SCO1: variants seen among roughly 807,000 people sequenced by gnomAD.
The protein encoded by SCO1 is synthesis of cytochrome C oxidase 1.
Under a neutral mutation model 34.0 loss-of-function variants are expected in SCO1, and 23 were observed. The observed-to-expected ratio is 0.68, with a 90% CI of 0.49 to 0.96. The LOEUF (loss-of-function observed/expected upper bound fraction) is 0.96. SCO1 is among the 40% of genes least tolerant of loss of function. SCO1 has a pLI of 0.00. For synonymous variants in SCO1, 161 were observed against 145.5 expected, an observed-to-expected ratio of 1.11 and a Z score of -0.77; for missense variants, 404 against 381.6, an observed-to-expected ratio of 1.06 and a Z score of -0.49.
At chr17:10,686,588 A>C in intron 5 of SCO1, 139 bp downstream of exon 5, 1 of 694,488 alleles carries the variant, frequency 1.4e-6, no homozygotes, top group Non-Finnish European at 2.6e-6. Flanking sequence ...TCTCAAAAAA[A>C]AAAAAAAAAA....
intron 1 of SCO1, 107 bp from the exon 2 acceptor site, chr17:10,695,938 G>T: frequency 1.2e-6 from 1 of 805,772 alleles, no homozygotes; most frequent in Non-Finnish European, 2.1e-6. Context: ...AGGCCATGAT[G>T]TTAAATGTGC....
At chr17:10,687,034 T>C (rs1241466982) in intron 4 of SCO1, among the ~76,000 whole-genome samples, 192 bp from the exon 5 acceptor site, 9 of 152,228 alleles carry the variant, frequency 5.9e-5, no homozygotes, top group Non-Finnish European at 1.5e-5. Flanking sequence ...TCCTTTGTAA[T>C]ATATAAGTCA....
rs1385387570 is a variant in SCO1, at chr17:10,680,926, AT to A, written c.*192del. 3.0e-6 allele frequency: 2 copies of A among 671,448 alleles called. No individual in the cohort carries two copies. Among genetic ancestry groups the A allele is most frequent in the African/African-American group, 3.6e-5 (2 of 55,556 alleles). The allele number at this position is 671,448 out of a possible 1,614,324, so 41.6% of individuals were successfully genotyped here. A position where few individuals can be genotyped will look rare whatever the true frequency, so the allele number is the denominator to read the frequency against. On this transcript the variant is annotated 3_prime_UTR_variant, in exon 6 of 6. Transcript: ENST00000255390. The stretch of plus-strand genomic sequence containing the variant: ...GCTTCCTGGGAGACTTTGGGTTGTA[AT>A]CTTTACAGTTCCAAGAATCAATTTT...
chr17:10,694,118 C>T (rs2520173), intron 2 of SCO1, among the ~76,000 whole-genome samples: 6,505 of 152,246 alleles, frequency 0.043, 463 homozygotes, highest in African/African-American at 0.15. Context: ...ACCAGATGCA[C>T]GGAGAATACA....
chr17:10,680,945 T>C lies in SCO1; in HGVS notation c.*174A>G. 1 of 740,530 alleles carries C rather than the reference T, an allele frequency of 1.4e-6. No individual in the cohort carries two copies. Among genetic ancestry groups the C allele is most frequent in the African/African-American group, 1.8e-5 (1 of 56,982 alleles). 45.9% of individuals were successfully genotyped at this position (740,530 alleles called of 1,614,324 possible). On this transcript the variant is annotated 3_prime_UTR_variant, in exon 6 of 6. Coordinates refer to ENST00000255390, the MANE Select transcript of SCO1 (RefSeq NM_004589.4). The stretch of plus-strand genomic sequence containing the variant: ...GTTGTAATCTTTACAGTTCCAAGAA[T>C]CAATTTTGGTTGAACGCAAGGGTAA...
Position 10,695,841 on chromosome 17 carries a change from C to T in SCO1, c.274-10G>A, listed in dbSNP as rs1459593514. The stretch of plus-strand genomic sequence containing the variant: ...ACTTCCAGGAAACAGGCTACTGGGG[C>T]AGGGATTTCAAACATAAAAATTCTA... On this transcript the variant is annotated splice_polypyrimidine_tract_variant and intron_variant, in intron 1 of 5. Coordinates refer to ENST00000255390, the MANE Select transcript of SCO1 (RefSeq NM_004589.4). 42 of 1,605,196 alleles carry T rather than the reference C, an allele frequency of 2.6e-5. No individual in the cohort carries two copies. Among genetic ancestry groups the T allele is most frequent in the Non-Finnish European group, 3.5e-5 (41 of 1,173,104 alleles).
intron 5 of SCO1, among the ~76,000 whole-genome samples, chr17:10,682,005 C>A (rs1374571941): frequency 6.6e-6 from 1 of 152,174 alleles, no homozygotes; most frequent in East Asian, 1.9e-4. Context: ...AATGCTGCCC[C>A]CCTAACCAGA....
intron 4 of SCO1, among the ~76,000 whole-genome samples, chr17:10,689,966 A>T (rs958758342): frequency 6.6e-6 from 1 of 152,234 alleles, no homozygotes; most frequent in African/African-American, 2.4e-5. Flanking sequence ...TCTCCTCAAG[A>T]AACGGCACTA....
chr17:10,692,921 T>G lies in SCO1; in HGVS notation c.405A>C (p.Leu135Phe). Residue 135 changes from leucine (L) to phenylalanine (F), a missense_variant, in exon 3 of 6, where the codon TTA becomes TTC. Leu to Phe is a conservative substitution (Grantham distance 22, BLOSUM62 0). Transcript: ENST00000255390. ...KERQRHIGKP[L>F]LGGPFSLTTH... ...TTGTGAGGGAAAACGGTCCCCCAAG[T>G]AAAGGCTTGCCGATGTGTCGCTGCC... is the stretch of plus-strand genomic sequence containing the variant. 6.2e-7 allele frequency: 1 copy of G among 1,614,090 alleles called. No homozygotes were observed. Among genetic ancestry groups the G allele is most frequent in the Non-Finnish European group, 8.5e-7 (1 of 1,180,020 alleles).
chr17:10,675,017 C>A lies in SCO1; in HGVS notation c.*6102G>T, dbSNP rs763010698. 1 of 152,250 alleles carries A rather than the reference C, an allele frequency of 6.6e-6. No homozygotes were observed. The highest frequency in any genetic ancestry group is 2.4e-5 in the African/African-American group (1 of 41,434). The allele number at this position is 152,250 out of a possible 1,614,324, so 9.4% of individuals were successfully genotyped here. On this transcript the variant is annotated 3_prime_UTR_variant, in exon 6 of 6. Coordinates refer to ENST00000255390, the MANE Select transcript of SCO1 (RefSeq NM_004589.4). ...TGTGCCCACTCTCCCCTTCAGTTTG[C>A]TCCTCCTCAGTGTCAGGGTCCCAGG...
chr17:10,689,936 A>G (rs1302969019), intron 4 of SCO1, among the ~76,000 whole-genome samples: 3 of 152,158 alleles, frequency 2.0e-5, no homozygotes, highest in Non-Finnish European at 4.4e-5. Flanking sequence ...CACCAAAAAC[A>G]TACGCTGGGG....
Position 10,680,375 on chromosome 17 carries a change from A to G in SCO1, c.*744T>C, listed in dbSNP as rs2074613943. ...TGAGTATGTTTACTTTACACAAAGT[A>G]CAATCCAGTATATGCAGAAAGGTAC... On this transcript the variant is annotated 3_prime_UTR_variant, in exon 6 of 6. Coordinates refer to ENST00000255390, the MANE Select transcript of SCO1 (RefSeq NM_004589.4). 2 of 153,570 alleles carry G rather than the reference A, an allele frequency of 1.3e-5. No homozygotes were observed. The highest frequency in any genetic ancestry group is 4.8e-5 in the African/African-American group (2 of 41,488). The allele number at this position is 153,570 out of a possible 1,614,324, so 9.5% of individuals were successfully genotyped here.
chr17:10,680,425 T>C lies in SCO1; in HGVS notation c.*694A>G, dbSNP rs2074614320. On this transcript the variant is annotated 3_prime_UTR_variant, in exon 6 of 6. Coordinates refer to ENST00000255390, the MANE Select transcript of SCO1 (RefSeq NM_004589.4). ...CTCAGCATCACACTCGTGATCAATA[T>C]CCTCTTATTTCCATTTGGTATGTCA... The C allele has an allele frequency of 6.4e-6, 1 of 156,114 alleles. No homozygotes were observed. The highest frequency in any genetic ancestry group is 6.2e-5 in the Admixed American group (1 of 16,224). The allele number at this position is 156,114 out of a possible 1,614,324, so 9.7% of individuals were successfully genotyped here.
In SCO1 at chr17:10,697,497, A is replaced by G. The variant is rs1192480021; in HGVS notation, c.11T>C (p.Leu4Pro). The G allele has an allele frequency of 2.5e-6, 4 of 1,613,412 alleles. No individual in the cohort carries two copies. Among genetic ancestry groups the G allele is most frequent in the Admixed American group, 1.7e-5 (1 of 60,004 alleles). ...CATAACTCGTCCGGGTACTAGGACC[A>G]GCATCGCCATGAGCCTCGGAGACCG... MAM[L>P]VLVPGRVMRP... The change falls in exon 1 of 6, where the codon CTG (leucine) becomes CCG (proline). Residue 4 changes from leucine (L) to proline (P), a missense_variant. Coordinates refer to ENST00000255390, the MANE Select transcript of SCO1 (RefSeq NM_004589.4).
chr17:10,677,186 A>G lies in SCO1; in HGVS notation c.*3933T>C, dbSNP rs1319152154. ...GCTGGGTGTGCTGGTGGGCGCCTGT[A>G]ATCCCAGCTACTCGGGAGACTCAGG... On this transcript the variant is annotated 3_prime_UTR_variant, in exon 6 of 6. Coordinates refer to ENST00000255390, the MANE Select transcript of SCO1 (RefSeq NM_004589.4). The G allele has an allele frequency of 1.3e-5, 2 of 152,142 alleles. No individual in the cohort carries two copies. The highest frequency in any genetic ancestry group is 4.8e-5 in the African/African-American group (2 of 41,408). 9.4% of individuals were successfully genotyped at this position (152,142 alleles called of 1,614,324 possible).
Position 10,680,784 on chromosome 17 carries a change from G to GTAGAT in SCO1, c.*334_*335insATCTA. The stretch of plus-strand genomic sequence containing the variant: ...AAGACGATGGAGAGGCGGCAAAGCT[G>GTAGAT]CTGGGAGGGCCTGTTCGCAGGCAGG... On this transcript the variant is annotated 3_prime_UTR_variant, in exon 6 of 6. Coordinates refer to ENST00000255390, the MANE Select transcript of SCO1 (RefSeq NM_004589.4). 7.8e-6 allele frequency: 3 copies of GTAGAT among 385,696 alleles called. No individual in the cohort carries two copies. Among genetic ancestry groups the GTAGAT allele is most frequent in the South Asian group, 2.6e-5 (1 of 39,042 alleles). 23.9% of individuals were successfully genotyped at this position (385,696 alleles called of 1,614,324 possible).
intron 5 of SCO1, among the ~76,000 whole-genome samples, chr17:10,682,108 G>C (rs2074625602): frequency 6.6e-6 from 1 of 152,084 alleles, no homozygotes; most frequent in Non-Finnish European, 1.5e-5. Flanking sequence ...AGATTTTTTA[G>C]TTAGACACTT....
At chr17:10,696,415 A>G (rs1481154349) in intron 1 of SCO1, among the ~76,000 whole-genome samples, 1 of 152,196 alleles carries the variant, frequency 6.6e-6, no homozygotes, top group African/African-American at 2.4e-5. Context: ...ACTGCACTCC[A>G]GCCTGGGCAA....
chr17:10,696,952 A>AT (rs57744268), intron 1 of SCO1, among the ~76,000 whole-genome samples: 3,724 of 146,234 alleles, frequency 0.025, 52 homozygotes, highest in Middle Eastern at 0.059. Flanking sequence ...CTGAAACTTA[A>AT]TTTTTTTTTT....
Sources: allele counts gnomAD v4.1 joint callset (sites outside exome capture counted in the v4.1 genomes callset), GRCh38; gene constraint gnomAD v4.1.1; transcripts MANE v1.5; gene names NCBI Gene and HGNC (gene_info 2026-07-23, HGNC 2026-07-21).